PLCB1: variants seen among roughly 807,000 people sequenced by gnomAD.
PLCB1 encodes the protein 1-phosphatidylinositol 4,5-bisphosphate phosphodiesterase beta-1.
In PLCB1, 46 loss-of-function variants were observed where a neutral mutation model predicts 161.8. The ratio of observed to expected loss-of-function variants is 0.28; its 90% CI spans 0.22 to 0.36. PLCB1 has a LOEUF of 0.36. PLCB1 is among the 10% of genes least tolerant of loss of function. The pLI, the probability that PLCB1 is intolerant of heterozygous loss-of-function variation, is 1.00. For missense variants in PLCB1, 1,016 were observed against 1,472.5 expected, an observed-to-expected ratio of 0.69 and a Z score of 5.07; for synonymous variants, 517 against 503.7, an observed-to-expected ratio of 1.03 and a Z score of -0.35.
At chr20:8,646,321 C>G in intron 5 of PLCB1, 140 bp downstream of exon 5, 1 of 642,458 alleles carries the variant, frequency 1.6e-6, no homozygotes, top group Middle Eastern at 2.5e-4. Context: ...TATTAGAGAA[C>G]TGATACCTCC....
intron 3 of PLCB1, among the ~76,000 whole-genome samples, chr20:8,490,725 A>T (rs1464337732): frequency 1.3e-5 from 2 of 152,150 alleles, no homozygotes; most frequent in East Asian, 3.9e-4. Context: ...ATGACTAATG[A>T]TGTGAAACAC....
At chr20:8,713,392 A>G (rs1979126876) in intron 12 of PLCB1, among the ~76,000 whole-genome samples, 1 of 152,196 alleles carries the variant, frequency 6.6e-6, no homozygotes, top group Non-Finnish European at 1.5e-5. Flanking sequence ...CATGTTGGCC[A>G]GGCCGATCTC....
chr20:8,166,493 G>A (rs1177113575), intron 2 of PLCB1, among the ~76,000 whole-genome samples: 1 of 152,046 alleles, frequency 6.6e-6, no homozygotes, highest in Non-Finnish European at 1.5e-5. Context: ...CTACTCACAT[G>A]TTAGGGAATC....
chr20:8,626,531 CTTGGG>C (rs1231809313), intron 3 of PLCB1, among the ~76,000 whole-genome samples: 2 of 152,004 alleles, frequency 1.3e-5, no homozygotes, highest in East Asian at 3.9e-4. Flanking sequence ...ACAAAAAATG[CTTGGG>C]GGAGAAAAAA....
At chr20:8,346,925 A>AAGCT (rs1247269410) in intron 2 of PLCB1, among the ~76,000 whole-genome samples, 2 of 152,212 alleles carry the variant, frequency 1.3e-5, no homozygotes, top group Non-Finnish European at 2.9e-5. Flanking sequence ...ACTCAGTGGA[A>AAGCT]AGCTAGCTAG....
At chr20:8,507,825 AAAAAATGGAATAAG>A (rs1296423945) in intron 3 of PLCB1, among the ~76,000 whole-genome samples, 3 of 152,200 alleles carry the variant, frequency 2.0e-5, no homozygotes, top group African/African-American at 7.2e-5. Flanking sequence ...AATATAATAC[AAAAAATGGAATAAG>A]AAAAATACAT....
chr20:8,542,529 A>T (rs1033734198), intron 3 of PLCB1, among the ~76,000 whole-genome samples: 2 of 152,218 alleles, frequency 1.3e-5, no homozygotes, highest in Admixed American at 1.3e-4. Context: ...TACTTAGCAC[A>T]TAATTGTTCT....
At chr20:8,295,048 C>T (rs1031545360) in intron 2 of PLCB1, among the ~76,000 whole-genome samples, 1 of 152,022 alleles carries the variant, frequency 6.6e-6, no homozygotes, top group African/African-American at 2.4e-5. Context: ...ACATTATGTT[C>T]AAAGCAAACA....
intron 19 of PLCB1, among the ~76,000 whole-genome samples, chr20:8,736,823 G>C (rs921808428): frequency 6.6e-6 from 1 of 152,262 alleles, no homozygotes; most frequent in East Asian, 1.9e-4. Flanking sequence ...TTCAACATGA[G>C]ATTTGGGTGA....
At chr20:8,724,872 A>G (rs143043313) in intron 16 of PLCB1, 120 bp downstream of exon 16, 199 of 619,368 alleles carry the variant, frequency 3.2e-4, no homozygotes, top group Admixed American at 6.6e-4. Context: ...TGAAGTCTTA[A>G]ATATATGTAC....
intron 2 of PLCB1, among the ~76,000 whole-genome samples, chr20:8,359,388 T>TA (rs1195045605): frequency 6.6e-6 from 1 of 151,988 alleles, no homozygotes; most frequent in African/African-American, 2.4e-5. Context: ...AAAGTCAGAG[T>TA]AGGGGGTAGA....
intron 3 of PLCB1, among the ~76,000 whole-genome samples, chr20:8,557,721 C>T (rs917507329): frequency 4.0e-5 from 6 of 150,994 alleles, no homozygotes; most frequent in Admixed American, 6.6e-5. Context: ...TATATTTTAT[C>T]ACAATAAAAA....
At chr20:8,556,913 AT>A (rs1380557961) in intron 3 of PLCB1, among the ~76,000 whole-genome samples, 3 of 151,698 alleles carry the variant, frequency 2.0e-5, no homozygotes, top group Non-Finnish European at 4.4e-5. Flanking sequence ...CCCTCAGGAA[AT>A]GTGAATCAAA....
At chr20:8,608,437 C>T (rs920183525) in intron 3 of PLCB1, among the ~76,000 whole-genome samples, 13 of 152,130 alleles carry the variant, frequency 8.5e-5, no homozygotes, top group African/African-American at 1.2e-4. Flanking sequence ...TCAACTCTGG[C>T]TTCAAGGAAA....
intron 2 of PLCB1, among the ~76,000 whole-genome samples, chr20:8,357,422 A>G (rs1986395185): frequency 6.6e-6 from 1 of 152,208 alleles, no homozygotes; most frequent in South Asian, 2.1e-4. Flanking sequence ...TCAAGCAACT[A>G]AAGAAGCTAA....
At chr20:8,365,799 T>G (rs1217637164) in intron 2 of PLCB1, among the ~76,000 whole-genome samples, 2 of 152,158 alleles carry the variant, frequency 1.3e-5, no homozygotes, top group Non-Finnish European at 2.9e-5. Flanking sequence ...ACCCAGCCAT[T>G]AATATCTTCT....
intron 2 of PLCB1, among the ~76,000 whole-genome samples, chr20:8,288,719 G>A (rs1251048123): frequency 6.6e-6 from 1 of 152,138 alleles, no homozygotes; most frequent in Non-Finnish European, 1.5e-5. Flanking sequence ...TCTGCAGGAT[G>A]GGTGCAATGG....
chr20:8,428,346 G>A (rs886625128), intron 3 of PLCB1, among the ~76,000 whole-genome samples: 3 of 151,894 alleles, frequency 2.0e-5, no homozygotes, highest in Admixed American at 6.6e-5. Context: ...TCAGCCTCTC[G>A]AGTAGCTGGG....
chr20:8,573,111 A>G (rs1196911245), intron 3 of PLCB1, among the ~76,000 whole-genome samples: 1 of 152,172 alleles, frequency 6.6e-6, no homozygotes, highest in South Asian at 2.1e-4. Flanking sequence ...GGAAAGTCCA[A>G]AATTCTAAAA....
Sources: gnomAD v4.1 joint callset for allele counts (sites outside exome capture counted in the v4.1 genomes callset) on GRCh38, gnomAD v4.1.1 for gene constraint, MANE v1.5 for transcripts, NCBI Gene and HGNC (gene_info 2026-07-23, HGNC 2026-07-21) for gene names.